CYP19A1: variants seen among roughly 807,000 people sequenced by gnomAD.
The protein encoded by CYP19A1 is cytochrome P450 family 19 subfamily A member 1.
A neutral mutation model predicts 44.4 loss-of-function variants in CYP19A1; 32 were observed. The observed-to-expected ratio is 0.72, with a 90% confidence interval of 0.54 to 0.97. The LOEUF is 0.97. CYP19A1 is among the 50% of genes least tolerant of loss of function. The probability of loss-of-function intolerance (pLI) is 0.00; values close to 1 mark genes in which losing one functional copy is unlikely to be tolerated. For missense variants in CYP19A1, 598 were observed against 637.8 expected (o/e 0.94, Z 0.67); for synonymous variants, 212 against 215.6 (o/e 0.98, Z 0.14).
At chr15:51,239,531 C>T (rs1215797066) in intron 2 of CYP19A1, among the ~76,000 whole-genome samples, 1 of 151,908 alleles carries the variant, frequency 6.6e-6, no homozygotes, top group Non-Finnish European at 1.5e-5. Flanking sequence ...GCAAAAGAAG[C>T]AAGATAGAAG....
intron 1 of CYP19A1, among the ~76,000 whole-genome samples, chr15:51,262,858 T>C (rs539329832): frequency 9.2e-5 from 14 of 152,096 alleles, no homozygotes; most frequent in Non-Finnish European, 1.9e-4. Context: ...CAACGGATTA[T>C]GGAAGTGGTG....
chr15:51,246,682 G>A (rs973892983), intron 1 of CYP19A1, among the ~76,000 whole-genome samples: 1 of 152,158 alleles, frequency 6.6e-6, no homozygotes, highest in Non-Finnish European at 1.5e-5. Flanking sequence ...CCCTAGTACA[G>A]CTATAGCCCT....
rs112998942 is a variant in CYP19A1, at chr15:51,285,021, T to A, written c.-38-42071A>T. ...ATTATCAGTGGAAAGTTCTACCTCA[T>A]GGAGATGAACGAACCGTGTGGGTGC... On this transcript the variant is annotated intron_variant, in intron 1 of 9. Transcript: ENST00000396402. Among the ~76,000 whole-genome samples, 215 of 152,248 alleles carry A rather than the reference T, an allele frequency of 1.4e-3. 2 individuals are homozygous for A. The highest frequency in any genetic ancestry group is 5.1e-3 in the African/African-American group (212 of 41,542).
At chr15:51,284,598 C>T (rs1305387623) in intron 1 of CYP19A1, among the ~76,000 whole-genome samples, 1 of 152,058 alleles carries the variant, frequency 6.6e-6, no homozygotes, top group Non-Finnish European at 1.5e-5. Flanking sequence ...TATGGGATAT[C>T]GACTTGGAGA....
chr15:51,322,877 T>C (rs2036549442), intron 1 of CYP19A1, among the ~76,000 whole-genome samples: 1 of 152,234 alleles, frequency 6.6e-6, no homozygotes, highest in Non-Finnish European at 1.5e-5. Flanking sequence ...TAGGAAACAA[T>C]GCAGTTGCTA....
chr15:51,233,906 T>C (rs1415513874), intron 3 of CYP19A1, among the ~76,000 whole-genome samples: 1 of 152,188 alleles, frequency 6.6e-6, no homozygotes, highest in Admixed American at 6.5e-5. Flanking sequence ...GCTCACCAGA[T>C]GGACCGTGCC....
chr15:51,299,830 A>G (rs1425971123), intron 1 of CYP19A1, among the ~76,000 whole-genome samples: 1 of 152,106 alleles, frequency 6.6e-6, no homozygotes, highest in East Asian at 1.9e-4. Flanking sequence ...GGAGCACCCA[A>G]CCAAATGGTT....
intron 1 of CYP19A1, chr15:51,322,004 AG>A (rs1395955698): frequency 6.6e-6 from 1 of 151,800 alleles, no homozygotes; most frequent in African/African-American, 2.4e-5. Context: ...TAAGTCAGGG[AG>A]CACCACACTC....
At chr15:51,270,378 TG>T (rs2035079514) in intron 1 of CYP19A1, among the ~76,000 whole-genome samples, 1 of 152,212 alleles carries the variant, frequency 6.6e-6, no homozygotes, top group African/African-American at 2.4e-5. Context: ...CAAAAGCTTT[TG>T]GGGGATCCCG....
At chr15:51,242,350 C>T (rs727479) in intron 2 of CYP19A1, 3 of 271,304 alleles carry the variant, frequency 1.1e-5, no homozygotes, top group Non-Finnish European at 2.1e-5. Context: ...GGGGGCATGG[C>T]GGAAACAAAG....
chr15:51,315,153 C>T (rs372834340), intron 1 of CYP19A1, among the ~76,000 whole-genome samples: 1 of 152,142 alleles, frequency 6.6e-6, no homozygotes, highest in African/African-American at 2.4e-5. Context: ...AAGTCCTTCA[C>T]TTACGGGCCC....
At chr15:51,284,244 G>A (rs983776551) in intron 1 of CYP19A1, among the ~76,000 whole-genome samples, 1 of 152,192 alleles carries the variant, frequency 6.6e-6, no homozygotes. Context: ...TCAAGTGTCT[G>A]ACAAAAGACC....
chr15:51,335,969 G>C (rs1238233621), intron 1 of CYP19A1, among the ~76,000 whole-genome samples: 1 of 152,182 alleles, frequency 6.6e-6, no homozygotes, highest in Non-Finnish European at 1.5e-5. Flanking sequence ...TCCTGCCATA[G>C]GGCCTTGAAC....
intron 4 of CYP19A1, among the ~76,000 whole-genome samples, chr15:51,226,799 C>G (rs1430621864): frequency 6.6e-6 from 1 of 152,058 alleles, no homozygotes; most frequent in Non-Finnish European, 1.5e-5. Context: ...GGGGGAAAAC[C>G]ACTGGATAAG....
At chr15:51,276,934 C>A (rs1399511242) in intron 1 of CYP19A1, among the ~76,000 whole-genome samples, 1 of 151,590 alleles carries the variant, frequency 6.6e-6, no homozygotes, top group Non-Finnish European at 1.5e-5. Flanking sequence ...TGTATTCAGA[C>A]AAAGCATCCC....
intron 1 of CYP19A1, among the ~76,000 whole-genome samples, chr15:51,289,563 T>G (rs2035794834): frequency 6.6e-6 from 1 of 152,192 alleles, no homozygotes; most frequent in African/African-American, 2.4e-5. Context: ...TGGGGCCTTC[T>G]GCAATGCTAC....
At chr15:51,289,911 G>T (rs528150302) in intron 1 of CYP19A1, among the ~76,000 whole-genome samples, 1 of 152,260 alleles carries the variant, frequency 6.6e-6, no homozygotes, top group Middle Eastern at 3.4e-3. Flanking sequence ...GGCTGGTGAG[G>T]GCCAAGCCTG....
intron 1 of CYP19A1, among the ~76,000 whole-genome samples, chr15:51,252,445 A>C (rs1463499640): frequency 6.6e-6 from 1 of 152,196 alleles, no homozygotes; most frequent in East Asian, 1.9e-4. Flanking sequence ...AGTTGTTTCC[A>C]GGTTATAAGA....
In CYP19A1 at chr15:51,210,883, CA is replaced by C; in HGVS notation, c.1436del (p.Leu479CysfsTer12). The C allele has an allele frequency of 6.3e-7, 1 of 1,590,546 alleles. No homozygotes were observed. Among genetic ancestry groups the C allele is most frequent in the Non-Finnish European group, 8.6e-7 (1 of 1,158,502 alleles). ...ESIQKIHDLS[L>X]HPDETKNMLE... ...GCATGTTTTTAGTCTCATCTGGGTGCAAGGACAAGTCGTGTATCTTCTGTAT... is the reference window on the plus strand; with the variant it reads ...GCATGTTTTTAGTCTCATCTGGGTGCAGGACAAGTCGTGTATCTTCTGTAT... On this transcript the variant is annotated frameshift_variant, in exon 10 of 10. Coordinates refer to ENST00000396402, the MANE Select transcript of CYP19A1 (RefSeq NM_000103.4). LOFTEE classifies it high-confidence loss of function.
Sources: gnomAD v4.1 joint callset for allele counts (sites outside exome capture counted in the v4.1 genomes callset) on GRCh38, gnomAD v4.1.1 for gene constraint, MANE v1.5 for transcripts, NCBI Gene and HGNC (gene_info 2026-07-23, HGNC 2026-07-21) for gene names.